PACRG: variants seen among roughly 807,000 people sequenced by gnomAD.
The protein encoded by PACRG is parkin coregulated gene protein.
Under a neutral mutation model 29.7 loss-of-function variants are expected in PACRG, and 29 were observed. The observed-to-expected ratio is 0.98, with a 90% CI of 0.73 to 1.33. The LOEUF is 1.33. Ranked by LOEUF, PACRG falls within the 40% of genes most tolerant of loss-of-function variation. The pLI is 0.00. For synonymous variants in PACRG, 116 were observed against 118.7 expected (o/e 0.98, Z 0.15); for missense variants, 279 against 316.2 (o/e 0.88, Z 0.89).
intron 4 of PACRG, among the ~76,000 whole-genome samples, chr6:163,201,692 C>T (rs1419184632): frequency 7.2e-5 from 11 of 152,232 alleles, no homozygotes; most frequent in African/African-American, 2.7e-4. Context: ...TAAGAACCTG[C>T]GCTTGGTCAC....
chr6:163,131,315 CAAAAAAA>C (rs55958953), intron 4 of PACRG, among the ~76,000 whole-genome samples: 27 of 136,214 alleles, frequency 2.0e-4, no homozygotes, highest in Admixed American at 1.0e-3. Flanking sequence ...CTGTCTCAAA[CAAAAAAA>C]AAAAAAAAAA....
chr6:162,727,930 C>G, upstream of PACRG: 1 of 590,612 alleles, frequency 1.7e-6, no homozygotes, highest in Non-Finnish European at 3.0e-6. Context: ...AGCAATCTTA[C>G]GTCACCGGGG....
At chr6:162,899,440 C>G (rs569055185) in intron 2 of PACRG, among the ~76,000 whole-genome samples, 184 of 152,252 alleles carry the variant, frequency 1.2e-3, no homozygotes, top group Non-Finnish European at 2.1e-3. Flanking sequence ...CACCTAGGAG[C>G]TGTCAAAATT....
At chr6:163,114,956 A>T (rs1312665284) in intron 4 of PACRG, among the ~76,000 whole-genome samples, 1 of 152,124 alleles carries the variant, frequency 6.6e-6, no homozygotes, top group African/African-American at 2.4e-5. Context: ...TCAAAACATC[A>T]TGTGTACAAC....
At chr6:162,973,883 C>A (rs1801737450) in intron 2 of PACRG, among the ~76,000 whole-genome samples, 1 of 152,126 alleles carries the variant, frequency 6.6e-6, no homozygotes, top group African/African-American at 2.4e-5. Context: ...ACCCTACAAG[C>A]TTCTTACTGT....
intron 1 of PACRG, among the ~76,000 whole-genome samples, chr6:162,796,516 T>A (rs930279485): frequency 1.3e-5 from 2 of 152,148 alleles, no homozygotes; most frequent in African/African-American, 4.8e-5. Context: ...TAGCCCTTAT[T>A]TTTTATGATA....
At chr6:163,095,744 G>C (rs1814523694) in intron 4 of PACRG, among the ~76,000 whole-genome samples, 1 of 152,074 alleles carries the variant, frequency 6.6e-6, no homozygotes, top group East Asian at 1.9e-4. Context: ...GCCCTCATAA[G>C]GATTGGATTA....
At chr6:162,949,810 A>C (rs1799512493) in intron 2 of PACRG, among the ~76,000 whole-genome samples, 1 of 152,124 alleles carries the variant, frequency 6.6e-6, no homozygotes, top group Non-Finnish European at 1.5e-5. Flanking sequence ...AGCTCTGAAG[A>C]GGGCTGAACT....
At chr6:163,013,940 A>C (rs2128213787) in intron 2 of PACRG, among the ~76,000 whole-genome samples, 1 of 152,184 alleles carries the variant, frequency 6.6e-6, no homozygotes, top group East Asian at 1.9e-4. Flanking sequence ...TACCTGATGA[A>C]AAATTATAAG....
intron 4 of PACRG, among the ~76,000 whole-genome samples, chr6:163,277,483 G>GTATATATATATATA (rs112325843): frequency 7.0e-6 from 1 of 142,134 alleles, no homozygotes; most frequent in Non-Finnish European, 1.5e-5. Flanking sequence ...GTGTATGTGT[G>GTATATATATATATA]TATATATATA....
chr6:163,301,765 G>T (rs771180720), intron 4 of PACRG, among the ~76,000 whole-genome samples: 3 of 152,164 alleles, frequency 2.0e-5, no homozygotes, highest in African/African-American at 4.8e-5. Context: ...AATAGCAGCT[G>T]CAGTAATAAT....
At chr6:162,823,172 A>G (rs1165388942) in intron 2 of PACRG, among the ~76,000 whole-genome samples, 2 of 152,258 alleles carry the variant, frequency 1.3e-5, no homozygotes, top group South Asian at 2.1e-4. Flanking sequence ...TTTAATGTCA[A>G]TGTATTGTTT....
rs1335294767 is a variant in PACRG at position 162,943,303 on chromosome 6, A to G, written c.292-118847A>G. ...TCCCTGAGGCCCATTGATATCCCCC[A>G]TCCATAGCTGCCATCGCTGCTGGCT... On this transcript the variant is annotated intron_variant, in intron 2 of 4. Transcript: ENST00000366888. 2.6e-5 allele frequency among the ~76,000 whole-genome samples: 4 copies of G among 152,136 alleles called. No individual in the cohort carries two copies. In the South Asian group the frequency reaches 8.3e-4, roughly 31 times the overall value.
At chr6:163,271,288 GGA>G (rs1370858961) in intron 4 of PACRG, among the ~76,000 whole-genome samples, 164 of 23,118 alleles carry the variant, frequency 7.1e-3, no homozygotes, top group South Asian at 0.021. Context: ...GCCTCTCCCA[GGA>G]CCGACTCAAA....
intron 2 of PACRG, among the ~76,000 whole-genome samples, chr6:163,041,027 C>T (rs1808645274): frequency 6.6e-6 from 1 of 152,086 alleles, no homozygotes; most frequent in Admixed American, 6.5e-5. Flanking sequence ...TCACCCAAAT[C>T]TTATCTCAAA....
intron 4 of PACRG, among the ~76,000 whole-genome samples, chr6:163,229,608 C>T (rs184768562): frequency 4.6e-5 from 7 of 152,340 alleles, no homozygotes; most frequent in East Asian, 3.9e-4. Flanking sequence ...CAAGCACCAT[C>T]GTTCCCCTTC....
intron 2 of PACRG, among the ~76,000 whole-genome samples, chr6:162,964,327 A>G (rs1033673765): frequency 2.6e-5 from 4 of 152,194 alleles, no homozygotes; most frequent in Non-Finnish European, 5.9e-5. Flanking sequence ...TCACAGAGTA[A>G]ACTCTGATGA....
chr6:162,792,812 T>C (rs1278635792), intron 1 of PACRG, among the ~76,000 whole-genome samples: 1 of 152,112 alleles, frequency 6.6e-6, no homozygotes, highest in Non-Finnish European at 1.5e-5. Flanking sequence ...AGTGCAATGG[T>C]TTTAGCAGTT....
intron 4 of PACRG, chr6:163,090,135 C>A (rs1037348057): frequency 6.6e-6 from 1 of 151,930 alleles, no homozygotes; most frequent in Non-Finnish European, 1.5e-5. Context: ...TAATGGAGCA[C>A]TGAATGAAAC....
Sources: gnomAD v4.1 joint callset for allele counts (sites outside exome capture counted in the v4.1 genomes callset) on GRCh38, gnomAD v4.1.1 for gene constraint, MANE v1.5 for transcripts, NCBI Gene and HGNC (gene_info 2026-07-23, HGNC 2026-07-21) for gene names.